The following SERINC5 variants were observed in gnomAD, a reference collection of about 807,000 sequenced individuals.
SERINC5 encodes the protein serine incorporator 5.
In SERINC5, 41 loss-of-function variants were observed where a neutral mutation model predicts 63.1. The ratio of observed to expected loss-of-function variants is 0.65; its 90% confidence interval spans 0.51 to 0.84. SERINC5 has a LOEUF of 0.84. Ranked by LOEUF, SERINC5 falls within the 40% of genes least tolerant of loss-of-function variation. The pLI, the probability that SERINC5 is intolerant of heterozygous loss-of-function variation, is 0.00. For missense variants in SERINC5, 523 were observed against 573.0 expected (o/e 0.91, Z 0.89); for synonymous variants, 222 against 215.2 (o/e 1.03, Z -0.28).
rs1022176830 is a variant in SERINC5 at position 80,197,572 on chromosome 5, A to G, written c.195+5314T>C. On this transcript the variant is annotated intron_variant, in intron 2 of 11. Transcript: ENST00000507668. ...GCTGGGAATATCTATGGCTCTTCCT[A>G]CATTGGCCTGGCACATTGAGCTCTC... 3.1e-4 allele frequency among the ~76,000 whole-genome samples: 47 copies of G among 152,122 alleles called. 1 individual carries two copies. Among genetic ancestry groups the G allele is most frequent in the African/African-American group, 1.1e-3 (47 of 41,416 alleles).
At position 80,169,492 on chromosome 5, in the gene SERINC5, C is replaced by A. The variant is rs368368469; in HGVS notation, c.606G>T (p.Thr202=). ...KLWYASLALV[T]LIMYSIATGG... is the part of the protein sequence containing the mutation. ...CAGTGGCAATGGAATACATGATGAG[C>A]GTCACCAGGGCCAGGGAGGCGTACC... The change falls in exon 6 of 12, where the codon ACG becomes ACT. Residue 202 remains threonine, a synonymous_variant. Coordinates refer to ENST00000507668, the MANE Select transcript of SERINC5 (RefSeq NM_001174072.3). 5.0e-6 allele frequency: 8 copies of A among 1,613,774 alleles called. No homozygotes were observed. Among genetic ancestry groups the A allele is most frequent in the Non-Finnish European group, 5.9e-6 (7 of 1,179,864 alleles).
chr5:80,174,750 G>A (rs1747914938), intron 5 of SERINC5, among the ~76,000 whole-genome samples: 2 of 152,164 alleles, frequency 1.3e-5, no homozygotes, highest in Non-Finnish European at 1.5e-5. Context: ...ACCACTGGTT[G>A]ACTCAGAGCC....
chr5:80,176,987 G>A (rs375718969), intron 4 of SERINC5, among the ~76,000 whole-genome samples: 3 of 152,072 alleles, frequency 2.0e-5, no homozygotes, highest in Admixed American at 1.3e-4. Context: ...TCCCACTATC[G>A]CTGCAGCAGA....
chr5:80,210,249 A>G (rs752318331), intron 1 of SERINC5, among the ~76,000 whole-genome samples: 4 of 152,164 alleles, frequency 2.6e-5, no homozygotes, highest in Non-Finnish European at 5.9e-5. Context: ...GCTTTTCTAA[A>G]TAGGAGGTGC....
chr5:80,208,175 C>T (rs1182767294), intron 1 of SERINC5, among the ~76,000 whole-genome samples: 4 of 152,050 alleles, frequency 2.6e-5, no homozygotes, highest in Middle Eastern at 3.4e-3. Flanking sequence ...GAATATACAA[C>T]GCCAAGAGGG....
chr5:80,238,103 C>CAAAAA (rs759062486), intron 1 of SERINC5, among the ~76,000 whole-genome samples: 17 of 65,176 alleles, frequency 2.6e-4, no homozygotes, highest in South Asian at 5.8e-4. Context: ...GACTCTGTCT[C>CAAAAA]AAAAAAAAAA....
intron 1 of SERINC5, among the ~76,000 whole-genome samples, chr5:80,243,399 A>G (rs898744875): frequency 6.6e-6 from 1 of 152,174 alleles, no homozygotes; most frequent in Non-Finnish European, 1.5e-5. Flanking sequence ...TAACAACATT[A>G]GGGAGACAAG....
At chr5:80,168,439 G>T (rs6869082) in intron 6 of SERINC5, among the ~76,000 whole-genome samples, 1 of 152,068 alleles carries the variant, frequency 6.6e-6, no homozygotes, top group African/African-American at 2.4e-5. Flanking sequence ...GACCTCAGAC[G>T]ATCTGCCTGC....
At chr5:80,204,473 A>G (rs1393449944) in intron 1 of SERINC5, among the ~76,000 whole-genome samples, 1 of 152,200 alleles carries the variant, frequency 6.6e-6, no homozygotes, top group East Asian at 1.9e-4. Context: ...CCAAGCTACA[A>G]GATGAACATT....
intron 7 of SERINC5, 132 bp from the exon 8 acceptor site, chr5:80,159,094 A>G: frequency 1.2e-6 from 1 of 833,032 alleles, no homozygotes; most frequent in Admixed American, 2.2e-5. Flanking sequence ...ATCACTGGAA[A>G]CTTCTACTCT....
downstream of SERINC5, among the ~76,000 whole-genome samples, chr5:80,137,076 G>A (rs114777523): frequency 2.1e-3 from 303 of 143,554 alleles, 1 homozygote; most frequent in African/African-American, 7.5e-3. Flanking sequence ...GCTGACAGAG[G>A]TTGCAGTGAG....
chr5:80,145,879 A>G (rs760081929), intron 11 of SERINC5, among the ~76,000 whole-genome samples: 4 of 152,172 alleles, frequency 2.6e-5, no homozygotes, highest in African/African-American at 4.8e-5. Flanking sequence ...GCATGGTGGT[A>G]CATGCATGTA....
intron 1 of SERINC5, among the ~76,000 whole-genome samples, chr5:80,228,327 G>A (rs1461570151): frequency 2.0e-5 from 3 of 150,250 alleles, no homozygotes; most frequent in Admixed American, 6.7e-5. Flanking sequence ...AGGAAGGAAG[G>A]AAGGAAAGAA....
rs147493951 is a variant in SERINC5, at chr5:80,146,274, G to T, written c.1094-40C>A. 1.6e-4 allele frequency: 254 copies of T among 1,611,056 alleles called. No individual in the cohort carries two copies. In the African/African-American group the frequency reaches 3.0e-3, roughly 19 times the overall value. ...GGGAGCCCAGGCTCAATGAGTGAAT[G>T]TGTGTGTTTACCATTCAGCAAAGTC... On this transcript the variant is annotated intron_variant, in intron 10 of 11. Transcript: ENST00000507668.
chr5:80,253,371 T>C (rs974843153), intron 1 of SERINC5, among the ~76,000 whole-genome samples: 2 of 152,172 alleles, frequency 1.3e-5, no homozygotes, highest in African/African-American at 4.8e-5. Context: ...AATATCCACT[T>C]AGGTTTTCCT....
chr5:80,241,541 A>T (rs1366452411), intron 1 of SERINC5, among the ~76,000 whole-genome samples: 1 of 152,140 alleles, frequency 6.6e-6, no homozygotes, highest in Non-Finnish European at 1.5e-5. Flanking sequence ...CTCTCCTCAA[A>T]AAAAGATAAG....
intron 1 of SERINC5, among the ~76,000 whole-genome samples, chr5:80,220,756 G>C (rs992165273): frequency 2.0e-5 from 3 of 152,098 alleles, no homozygotes; most frequent in African/African-American, 7.2e-5. Flanking sequence ...GAGGGGTGAA[G>C]TGGGGAGGGG....
intron 1 of SERINC5, among the ~76,000 whole-genome samples, chr5:80,227,137 C>A (rs1261015833): frequency 1.3e-5 from 2 of 152,052 alleles, no homozygotes; most frequent in Non-Finnish European, 2.9e-5. Context: ...CTAAGGTGAT[C>A]CACCCACCTC....
chr5:80,251,025 T>C (rs922380420), intron 1 of SERINC5, among the ~76,000 whole-genome samples: 6 of 152,230 alleles, frequency 3.9e-5, no homozygotes, highest in Admixed American at 1.3e-4. Context: ...GGATAGTTCC[T>C]GGTGGCATTC....
Sources: gnomAD v4.1 joint callset for allele counts (sites outside exome capture counted in the v4.1 genomes callset) on GRCh38, gnomAD v4.1.1 for gene constraint, MANE v1.5 for transcripts, NCBI Gene and HGNC (gene_info 2026-07-23, HGNC 2026-07-21) for gene names.